PRKCB: variants seen among roughly 807,000 people sequenced by gnomAD.
PRKCB encodes the protein protein kinase C beta type.
Under a neutral mutation model 81.5 loss-of-function variants are expected in PRKCB, and 13 were observed. The ratio of observed to expected loss-of-function variants is 0.16; its 90% CI spans 0.10 to 0.25. The LOEUF (loss-of-function observed/expected upper bound fraction) is 0.25. Among genes scored for constraint, PRKCB ranks in the 10% least tolerant of loss-of-function variants. PRKCB has a pLI of 1.00. For synonymous variants in PRKCB, 335 were observed against 321.4 expected, an observed-to-expected ratio of 1.04 and a Z score of -0.45; for missense variants, 509 against 875.7, an observed-to-expected ratio of 0.58 and a Z score of 5.29.
chr16:24,054,626 G>C (rs1965882549), intron 5 of PRKCB, among the ~76,000 whole-genome samples: 1 of 152,220 alleles, frequency 6.6e-6, no homozygotes, highest in African/African-American at 2.4e-5. Context: ...AAGGGGAGCT[G>C]TGTGTGTATC....
intron 9 of PRKCB, among the ~76,000 whole-genome samples, chr16:24,125,804 G>A (rs1330853930): frequency 6.6e-6 from 1 of 152,158 alleles, no homozygotes; most frequent in Non-Finnish European, 1.5e-5. Context: ...ATGGACTAAG[G>A]GATCTGAAAT....
At position 23,836,193 on chromosome 16, in the gene PRKCB, G is replaced by T; in HGVS notation, c.18G>T (p.Ala6=). ...CGCGCAAGATGGCTGACCCGGCTGC[G>T]GGGCCGCCGCCGAGCGAGGGCGAGG... MADPA[A]GPPPSEGEES... Residue 6 remains alanine, a synonymous_variant, in exon 1 of 17, where the codon GCG becomes GCT. Coordinates refer to ENST00000643927, the MANE Select transcript of PRKCB (RefSeq NM_002738.7). 1.3e-6 allele frequency: 2 copies of T among 1,567,770 alleles called. No individual in the cohort carries two copies. Among genetic ancestry groups the T allele is most frequent in the Non-Finnish European group, 1.7e-6 (2 of 1,160,008 alleles).
intron 2 of PRKCB, among the ~76,000 whole-genome samples, chr16:23,867,043 TCCTTCCTTC>T (rs1203715849): frequency 0.026 from 2,641 of 99,714 alleles, 45 homozygotes; most frequent in Middle Eastern, 0.037. Flanking sequence ...CTTCCTTCCT[TCCTTCCTTC>T]TCTCTCTCTC....
intron 2 of PRKCB, among the ~76,000 whole-genome samples, chr16:23,957,957 G>T (rs1437511888): frequency 6.6e-6 from 1 of 152,120 alleles, no homozygotes; most frequent in African/African-American, 2.4e-5. Flanking sequence ...TTAATGTGAA[G>T]ATTGTTATTA....
At chr16:24,021,802 A>T (rs140143559) in intron 3 of PRKCB, among the ~76,000 whole-genome samples, 1 of 152,184 alleles carries the variant, frequency 6.6e-6, no homozygotes, top group Non-Finnish European at 1.5e-5. Context: ...TAACTCCTCC[A>T]TCACTGGGCT....
chr16:24,128,887 A>G (rs910575141), intron 9 of PRKCB, among the ~76,000 whole-genome samples: 19 of 152,152 alleles, frequency 1.2e-4, no homozygotes, highest in African/African-American at 3.9e-4. Context: ...AGTTTTGCCA[A>G]CGTCTTTCAA....
chr16:24,056,580 C>T (rs1408923322), intron 5 of PRKCB, among the ~76,000 whole-genome samples: 1 of 152,160 alleles, frequency 6.6e-6, no homozygotes, highest in Non-Finnish European at 1.5e-5. Context: ...GGTCATGGGG[C>T]AGACACCTCA....
At chr16:24,016,646 T>A (rs531981969) in intron 3 of PRKCB, among the ~76,000 whole-genome samples, 73 of 152,246 alleles carry the variant, frequency 4.8e-4, no homozygotes, top group African/African-American at 1.7e-3. Context: ...TACCTAGGAA[T>A]AAATACTTAG....
intron 2 of PRKCB, among the ~76,000 whole-genome samples, chr16:23,889,254 C>A (rs1012370838): frequency 1.3e-5 from 2 of 152,172 alleles, no homozygotes; most frequent in South Asian, 2.1e-4. Flanking sequence ...CCAGCTCTGC[C>A]ACTCACCAAG....
intron 2 of PRKCB, among the ~76,000 whole-genome samples, chr16:23,955,363 T>G (rs899355836): frequency 6.6e-6 from 1 of 152,158 alleles, no homozygotes; most frequent in African/African-American, 2.4e-5. Flanking sequence ...TTTCCGACAG[T>G]TCTTTCTTCG....
intron 5 of PRKCB, among the ~76,000 whole-genome samples, chr16:24,060,304 A>C (rs560991642): frequency 2.0e-5 from 3 of 152,122 alleles, no homozygotes; most frequent in Non-Finnish European, 4.4e-5. Context: ...AGGATGAAAC[A>C]AGAATGTCTC....
intron 9 of PRKCB, among the ~76,000 whole-genome samples, chr16:24,132,452 A>G (rs1206401222): frequency 6.6e-6 from 1 of 152,258 alleles, no homozygotes; most frequent in South Asian, 2.1e-4. Flanking sequence ...TTGTAGGTAC[A>G]GAGGCAATGT....
intron 7 of PRKCB, among the ~76,000 whole-genome samples, chr16:24,104,306 G>A (rs1377349569): frequency 6.6e-6 from 1 of 152,050 alleles, no homozygotes; most frequent in Non-Finnish European, 1.5e-5. Context: ...TATCTTTGTT[G>A]CAGCTAATGC....
intron 9 of PRKCB, among the ~76,000 whole-genome samples, chr16:24,148,158 A>G (rs1410194949): frequency 5.3e-5 from 8 of 152,228 alleles, no homozygotes; most frequent in Non-Finnish European, 7.3e-5. Flanking sequence ...ATCCTAAGGA[A>G]GCACTGTTCT....
Position 24,132,176 on chromosome 16 carries a change from C to A in PRKCB, c.1065+8195C>A, listed in dbSNP as rs76416340. On this transcript the variant is annotated intron_variant, in intron 9 of 16. Transcript: ENST00000643927. ...TATCCTTTTGTATTATGTCTCCTCC[C>A]CTTAGCAACTTTCAGAAACATCTGT... Among the ~76,000 whole-genome samples the A allele has an allele frequency of 9.7e-3, 1,471 of 152,308 alleles. 35 individuals are homozygous for A. The highest frequency in any genetic ancestry group is 0.034 in the African/African-American group (1,396 of 41,562).
intron 2 of PRKCB, among the ~76,000 whole-genome samples, chr16:23,918,617 G>A (rs1025447101): frequency 9.2e-5 from 14 of 151,960 alleles, no homozygotes; most frequent in African/African-American, 1.9e-4. Context: ...GGCTGGTCTC[G>A]AACTCCTGGG....
At chr16:23,843,696 A>G (rs75552122) in intron 2 of PRKCB, among the ~76,000 whole-genome samples, 4,672 of 151,438 alleles carry the variant, frequency 0.031, 252 homozygotes, top group African/African-American at 0.11. Context: ...TTCTTAGGAT[A>G]TAATTTTTAA....
At position 24,218,352 on chromosome 16, in the gene PRKCB, A is replaced by G; in HGVS notation, c.*3536A>G. Reference sequence around the variant, plus strand: ...GAGCGCCTGGGGGATGGAAACTCCTATAGCACCCCACAGGCTAACAGCAAG... The same window carrying G: ...GAGCGCCTGGGGGATGGAAACTCCTGTAGCACCCCACAGGCTAACAGCAAG... On this transcript the variant is annotated 3_prime_UTR_variant, in exon 17 of 17. Coordinates refer to ENST00000643927, the MANE Select transcript of PRKCB (RefSeq NM_002738.7). 1 of 985,308 alleles carries G rather than the reference A, an allele frequency of 1.0e-6. No individual in the cohort carries two copies. The highest frequency in any genetic ancestry group is 4.7e-5 in the South Asian group (1 of 21,276). The allele number at this position is 985,308 out of a possible 1,614,324, so 61.0% of individuals were successfully genotyped here. A position where few individuals can be genotyped will look rare whatever the true frequency, so the allele number is the denominator to read the frequency against.
intron 2 of PRKCB, among the ~76,000 whole-genome samples, chr16:23,925,136 A>T (rs1197609986): frequency 6.6e-6 from 1 of 152,080 alleles, no homozygotes; most frequent in African/African-American, 2.4e-5. Flanking sequence ...GGGAAAATGG[A>T]GCACAATGAC....
Sources: gnomAD v4.1 joint callset for allele counts (sites outside exome capture counted in the v4.1 genomes callset) on GRCh38, gnomAD v4.1.1 for gene constraint, MANE v1.5 for transcripts, NCBI Gene and HGNC (gene_info 2026-07-23, HGNC 2026-07-21) for gene names.